Variants in ADGRD1 observed in about 807,000 individuals in gnomAD.
ADGRD1 encodes the protein adhesion G protein-coupled receptor D1.
In ADGRD1, 77 loss-of-function variants were observed where a neutral mutation model predicts 113.4. That is an observed-to-expected ratio of 0.68 (90% CI 0.57 to 0.82). The LOEUF (loss-of-function observed/expected upper bound fraction) is 0.82. ADGRD1 is among the 40% of genes least tolerant of loss of function. ADGRD1 has a pLI of 0.00. For synonymous variants in ADGRD1, 474 were observed against 475.0 expected, an observed-to-expected ratio of 1.00 and a Z score of 0.03; for missense variants, 1,036 against 1,139.1, an observed-to-expected ratio of 0.91 and a Z score of 1.30.
At chr12:131,052,592 G>C (rs1001748864) in intron 13 of ADGRD1, among the ~76,000 whole-genome samples, 1 of 152,076 alleles carries the variant, frequency 6.6e-6, no homozygotes. Flanking sequence ...AGTCGGGGGG[G>C]CATAAAATGC....
chr12:131,127,025 C>T (rs956617040), intron 20 of ADGRD1, among the ~76,000 whole-genome samples: 10 of 150,152 alleles, frequency 6.7e-5, no homozygotes, highest in Middle Eastern at 3.2e-3. Flanking sequence ...CATGGTGAGC[C>T]GCTCCTCCTC....
chr12:131,042,776 G>A (rs1882270582), intron 13 of ADGRD1, among the ~76,000 whole-genome samples: 1 of 152,276 alleles, frequency 6.6e-6, no homozygotes, highest in Admixed American at 6.5e-5. Flanking sequence ...CTGAGCGTGT[G>A]GGAGCAGCAT....
chr12:130,966,394 A>G lies in ADGRD1; in HGVS notation c.104-69A>G. ...CTCTTCCCCCATAATGTGTGTGCTA[A>G]GCGGTTCTTACCCTCTGGTTCTTTC... On this transcript the variant is annotated intron_variant, in intron 2 of 24. Transcript: ENST00000261654. The surrounding 1 kb of genome is among the most constrained non-coding windows in gnomAD (Gnocchi z 4.6). 1 of 929,732 alleles carries G rather than the reference A, an allele frequency of 1.1e-6. No individual in the cohort carries two copies. Among genetic ancestry groups the G allele is most frequent in the Non-Finnish European group, 1.8e-6 (1 of 559,138 alleles). 57.6% of individuals were successfully genotyped at this position (929,732 alleles called of 1,614,324 possible). A position where few individuals can be genotyped will look rare whatever the true frequency, so the allele number is the denominator to read the frequency against.
At chr12:130,996,062 C>A (rs943238403) in intron 8 of ADGRD1, among the ~76,000 whole-genome samples, 6 of 152,164 alleles carry the variant, frequency 3.9e-5, no homozygotes, top group African/African-American at 1.4e-4. Context: ...TGAGTGGACA[C>A]AGCACATGTT....
intron 15 of ADGRD1, among the ~76,000 whole-genome samples, chr12:131,085,473 C>T (rs993751213): frequency 1.8e-4 from 28 of 152,106 alleles, no homozygotes; most frequent in African/African-American, 6.5e-4. Flanking sequence ...CAGGGAGGAG[C>T]GTGAGTTTCA....
At chr12:131,016,574 T>C (rs1878596751) in intron 13 of ADGRD1, among the ~76,000 whole-genome samples, 1 of 152,230 alleles carries the variant, frequency 6.6e-6, no homozygotes, top group Non-Finnish European at 1.5e-5. Flanking sequence ...AGGGCAGTGC[T>C]GCCCCGCGGC....
intron 22 of ADGRD1, 122 bp downstream of exon 22, chr12:131,136,285 G>A: frequency 1.7e-6 from 2 of 1,186,808 alleles, no homozygotes; most frequent in Non-Finnish European, 2.4e-6. Flanking sequence ...TTAGGAGCCT[G>A]TAATGCGGGG....
chr12:131,031,304 C>G (rs940423739), intron 13 of ADGRD1, among the ~76,000 whole-genome samples: 3 of 152,240 alleles, frequency 2.0e-5, no homozygotes, highest in Non-Finnish European at 4.4e-5. Flanking sequence ...GGCTCAAACA[C>G]TGGACGGTGG....
chr12:131,076,890 G>A lies in ADGRD1; in HGVS notation c.1547+16G>A. 1 of 1,610,416 alleles carries A rather than the reference G, an allele frequency of 6.2e-7. No individual in the cohort carries two copies. Among genetic ancestry groups the A allele is most frequent in the Non-Finnish European group, 8.5e-7 (1 of 1,176,594 alleles). On this transcript the variant is annotated intron_variant, in intron 14 of 24. Transcript: ENST00000261654. Reference sequence around the variant, plus strand: ...TGGACTTCAGGTACCCTCTGCACAGGGGAGAGCAGGTGGGCATGAGGTGTC... The same window carrying A: ...TGGACTTCAGGTACCCTCTGCACAGAGGAGAGCAGGTGGGCATGAGGTGTC...
chr12:131,120,617 C>A, intron 19 of ADGRD1: 1 of 604,760 alleles, frequency 1.7e-6, no homozygotes, highest in Non-Finnish European at 3.0e-6. Flanking sequence ...TTTGGCTAAA[C>A]TCTCCAGAGG....
At chr12:131,108,075 C>T (rs1029098959) in intron 17 of ADGRD1, among the ~76,000 whole-genome samples, 5 of 152,200 alleles carry the variant, frequency 3.3e-5, no homozygotes, top group Non-Finnish European at 7.3e-5. Flanking sequence ...GTCCTGGGCA[C>T]CTGGGGCCTC....
intron 21 of ADGRD1, among the ~76,000 whole-genome samples, chr12:131,134,793 A>ATCATTCAT (rs374557019): frequency 5.3e-5 from 8 of 152,164 alleles, no homozygotes; most frequent in African/African-American, 1.7e-4. Flanking sequence ...CCACTTGTTC[A>ATCATTCAT]TCATTCATTC....
At chr12:131,036,695 T>C (rs117616131) in intron 13 of ADGRD1, among the ~76,000 whole-genome samples, 3,958 of 123,732 alleles carry the variant, frequency 0.032, 62 homozygotes, top group South Asian at 0.068. Flanking sequence ...CCTCACTCAC[T>C]GCACCGGGCC....
chr12:130,969,366 T>C, intron 3 of ADGRD1: 1 of 335,700 alleles, frequency 3.0e-6, no homozygotes, highest in South Asian at 3.6e-5. Context: ...GGTGGGTGAG[T>C]GAGTGAAGCT....
intron 13 of ADGRD1, among the ~76,000 whole-genome samples, chr12:131,034,283 C>T (rs1881143876): frequency 6.6e-6 from 1 of 152,240 alleles, no homozygotes. Flanking sequence ...GCATTCCCAC[C>T]CCAGGGCCTT....
chr12:131,002,294 A>T (rs1301180534), intron 9 of ADGRD1, among the ~76,000 whole-genome samples: 4 of 152,262 alleles, frequency 2.6e-5, no homozygotes, highest in Non-Finnish European at 4.4e-5. Flanking sequence ...AGAATGCATG[A>T]ATCGGTCTCT....
chr12:131,113,709 C>T lies in ADGRD1; in HGVS notation c.2042-4676C>T, dbSNP rs1446100097. On this transcript the variant is annotated intron_variant, in intron 18 of 24. Coordinates refer to ENST00000261654, the MANE Select transcript of ADGRD1 (RefSeq NM_198827.5). The surrounding 1 kb of genome is among the most constrained non-coding windows in gnomAD (Gnocchi z 4.9). ...ATGCAGGGAGCTCCCCGAGTCACCA[C>T]GGACGTCCTCCGTCCTGCCTCACTG... Among the ~76,000 whole-genome samples the T allele has an allele frequency of 5.3e-5, 8 of 152,182 alleles. No individual in the cohort carries two copies. The highest frequency in any genetic ancestry group is 6.5e-5 in the Admixed American group (1 of 15,290).
At chr12:131,093,960 CAGCACCCAGCCCTG>C (rs1321345400) in intron 15 of ADGRD1, among the ~76,000 whole-genome samples, 3 of 123,440 alleles carry the variant, frequency 2.4e-5, no homozygotes, top group East Asian at 2.9e-4. Context: ...CACCCAGCCT[CAGCACCCAGCCCTG>C]AGCACCCAGC....
chr12:130,955,207 C>T (rs1482328962), intron 2 of ADGRD1, among the ~76,000 whole-genome samples: 31 of 148,416 alleles, frequency 2.1e-4, no homozygotes, highest in African/African-American at 7.0e-4. Flanking sequence ...TCAGGTGATC[C>T]GCCCGCCTTG....
Sources: gnomAD v4.1 joint callset for allele counts (sites outside exome capture counted in the v4.1 genomes callset) on GRCh38, gnomAD v4.1.1 for gene constraint, Gnocchi (gnomAD v3.1) non-coding constraint, MANE v1.5 for transcripts, NCBI Gene and HGNC (gene_info 2026-07-23, HGNC 2026-07-21) for gene names.